Variants in AGBL4 observed in about 807,000 individuals in gnomAD.
AGBL4 encodes cytosolic carboxypeptidase 6.
Under a neutral mutation model 66.4 loss-of-function variants are expected in AGBL4, and 58 were observed. That is an observed-to-expected ratio of 0.87 (90% confidence interval 0.71 to 1.09). The LOEUF (loss-of-function observed/expected upper bound fraction) is 1.09, where lower values mean the gene tolerates loss of function less well. AGBL4 is among the 50% of genes least tolerant of loss of function. The pLI is 0.00. For synonymous variants in AGBL4, 234 were observed against 222.9 expected (o/e 1.05, Z -0.44); for missense variants, 579 against 631.0 (o/e 0.92, Z 0.88).
Position 49,138,555 on chromosome 1 carries a change from A to T in AGBL4, c.378-92755T>A, listed in dbSNP as rs376892634. Among the ~76,000 whole-genome samples, 4 of 152,064 alleles carry T rather than the reference A, an allele frequency of 2.6e-5. No homozygotes were observed. In the East Asian group the frequency reaches 5.8e-4, roughly 22 times the overall value. ...CATCACATCACTGAAATGACTGAAA[A>T]TGTCACCTGTAATTTTGGTTGTCAA... On this transcript the variant is annotated intron_variant, in intron 4 of 13. Transcript: ENST00000371839.
intron 6 of AGBL4, among the ~76,000 whole-genome samples, chr1:48,681,853 A>G (rs1646460265): frequency 6.6e-6 from 1 of 152,218 alleles, no homozygotes; most frequent in South Asian, 2.1e-4. Flanking sequence ...TGAGGAGACA[A>G]CAGGCCAGAG....
At chr1:49,879,403 T>A (rs1482937009) in intron 1 of AGBL4, among the ~76,000 whole-genome samples, 2 of 149,536 alleles carry the variant, frequency 1.3e-5, no homozygotes, top group African/African-American at 4.9e-5. Flanking sequence ...AGTATTTTAT[T>A]TCTCCTTCAC....
intron 6 of AGBL4, among the ~76,000 whole-genome samples, chr1:48,865,420 C>G (rs1486964975): frequency 1.3e-5 from 2 of 152,116 alleles, no homozygotes; most frequent in African/African-American, 4.8e-5. Flanking sequence ...CTCACAATAT[C>G]ACACAAGTAT....
intron 6 of AGBL4, among the ~76,000 whole-genome samples, chr1:48,672,015 A>G (rs1283890847): frequency 6.6e-6 from 1 of 152,260 alleles, no homozygotes; most frequent in East Asian, 1.9e-4. Context: ...CAACAAGGAC[A>G]ACAAAAACAG....
chr1:49,000,846 C>T (rs1400595425), intron 5 of AGBL4, among the ~76,000 whole-genome samples: 3 of 152,122 alleles, frequency 2.0e-5, no homozygotes, highest in Non-Finnish European at 2.9e-5. Context: ...TTACTGAATA[C>T]ACCACTAAGA....
rs145492627 is a variant in AGBL4 at position 49,798,045 on chromosome 1, C to T, written c.157+53351G>A. The stretch of plus-strand genomic sequence containing the variant: ...GATTACGGGCATGAGCCACCTTGCC[C>T]GGCCAATTATCATTTTTAAAAGTAT... On this transcript the variant is annotated intron_variant, in intron 2 of 13. Coordinates refer to ENST00000371839, the MANE Select transcript of AGBL4 (RefSeq NM_032785.4). 7.2e-5 allele frequency among the ~76,000 whole-genome samples: 11 copies of T among 152,136 alleles called. No homozygotes were observed. The East Asian group carries it at 1.2e-3, about 16-fold the overall frequency.
At chr1:49,408,010 C>G (rs1462540367) in intron 3 of AGBL4, among the ~76,000 whole-genome samples, 2 of 152,198 alleles carry the variant, frequency 1.3e-5, no homozygotes, top group Non-Finnish European at 2.9e-5. Context: ...TCTGAGGTCA[C>G]ATTCCCAGCT....
At chr1:49,242,714 C>T (rs1428557841) in intron 4 of AGBL4, among the ~76,000 whole-genome samples, 2 of 151,858 alleles carry the variant, frequency 1.3e-5, no homozygotes, top group African/African-American at 4.8e-5. Context: ...ATTATTTAAT[C>T]CTTAGGAAGT....
At chr1:48,804,375 C>G (rs1005223159) in intron 6 of AGBL4, among the ~76,000 whole-genome samples, 1 of 152,220 alleles carries the variant, frequency 6.6e-6, no homozygotes, top group African/African-American at 2.4e-5. Context: ...TACCTCCCAA[C>G]AATTCTGAGA....
Position 49,529,457 on chromosome 1 carries a change from T to C in AGBL4, c.282+167856A>G, listed in dbSNP as rs539943283. ...CACTTTGGGAGGCCGAGCAGGCAGA[T>C]GACTTGAGGCCAGGAGTTCAAGACA... On this transcript the variant is annotated intron_variant, in intron 3 of 13. Coordinates refer to ENST00000371839, the MANE Select transcript of AGBL4 (RefSeq NM_032785.4). Among the ~76,000 whole-genome samples the C allele has an allele frequency of 7.2e-5, 11 of 152,110 alleles. No individual in the cohort carries two copies. In the East Asian group the frequency reaches 1.9e-3, roughly 27 times the overall value.
chr1:48,688,600 C>T (rs750127543), intron 6 of AGBL4, among the ~76,000 whole-genome samples: 4 of 152,194 alleles, frequency 2.6e-5, no homozygotes, highest in African/African-American at 4.8e-5. Flanking sequence ...AGACAAGCCT[C>T]GTTCCCTTTG....
At chr1:49,132,166 A>C (rs12040639) in intron 4 of AGBL4, among the ~76,000 whole-genome samples, 11 of 152,114 alleles carry the variant, frequency 7.2e-5, no homozygotes, top group Non-Finnish European at 1.6e-4. Flanking sequence ...GGAATTCATA[A>C]ATTTAGGACA....
At chr1:48,708,095 A>G (rs1460846118) in intron 6 of AGBL4, among the ~76,000 whole-genome samples, 1 of 152,172 alleles carries the variant, frequency 6.6e-6, no homozygotes. Flanking sequence ...CCAAGGTAAC[A>G]TGGGATTTTC....
chr1:49,920,443 C>T (rs1444729993), intron 1 of AGBL4, among the ~76,000 whole-genome samples: 1 of 152,206 alleles, frequency 6.6e-6, no homozygotes, highest in Non-Finnish European at 1.5e-5. Context: ...TATGAACAGA[C>T]ACTTCTCAAA....
In AGBL4 at chr1:48,736,463, T is replaced by A; in HGVS notation, c.635-73222A>T. 1 of 1,612,916 alleles carries A rather than the reference T, an allele frequency of 6.2e-7. No individual in the cohort carries two copies. Among genetic ancestry groups the A allele is most frequent in the Non-Finnish European group, 8.5e-7 (1 of 1,179,046 alleles). The stretch of plus-strand genomic sequence containing the variant: ...GCTTCCCAGATGGACCTGAGAGGAA[T>A]AAGAACACCAGCACCTGTTTAGTCC... On this transcript the variant is annotated intron_variant, in intron 6 of 13. Transcript: ENST00000371839. This position sits in a 1 kb window ranked among gnomAD's most constrained non-coding sequence, Gnocchi z 4.0.
chr1:49,853,301 A>G (rs1228668126), intron 1 of AGBL4, among the ~76,000 whole-genome samples: 1 of 152,198 alleles, frequency 6.6e-6, no homozygotes, highest in Non-Finnish European at 1.5e-5. Flanking sequence ...AACCACAGTA[A>G]TAATACAAAA....
chr1:49,173,553 C>T (rs1290713642), intron 4 of AGBL4, among the ~76,000 whole-genome samples: 1 of 152,142 alleles, frequency 6.6e-6, no homozygotes, highest in Non-Finnish European at 1.5e-5. Flanking sequence ...CAGAGTGATC[C>T]ATACAGACAA....
chr1:48,776,530 C>T (rs1360038599), intron 6 of AGBL4: 1 of 1,122,778 alleles, frequency 8.9e-7, no homozygotes, highest in Non-Finnish European at 1.2e-6. Context: ...CGGTCCCCTC[C>T]GCCCGGGCCC....
At chr1:48,770,617 A>G (rs1570611145) in intron 6 of AGBL4, among the ~76,000 whole-genome samples, 1 of 152,158 alleles carries the variant, frequency 6.6e-6, no homozygotes, top group Admixed American at 6.5e-5. Context: ...TGAACCTCAG[A>G]CCACATGCCT....
Sources: gnomAD v4.1 joint callset for allele counts (sites outside exome capture counted in the v4.1 genomes callset) on GRCh38, gnomAD v4.1.1 for gene constraint, Gnocchi (gnomAD v3.1) non-coding constraint, MANE v1.5 for transcripts, NCBI Gene and HGNC (gene_info 2026-07-23, HGNC 2026-07-21) for gene names.